The following TSHZ2 variants were observed in gnomAD, a reference collection of about 807,000 sequenced individuals.
The protein encoded by TSHZ2 is teashirt homolog 2.
Under a neutral mutation model 74.4 loss-of-function variants are expected in TSHZ2, and 21 were observed. The observed-to-expected ratio is 0.28, with a 90% CI of 0.20 to 0.41. The LOEUF (loss-of-function observed/expected upper bound fraction) is 0.41. Ranked by LOEUF, TSHZ2 falls within the 10% of genes least tolerant of loss-of-function variation. The probability of loss-of-function intolerance (pLI) is 1.00; values close to 1 mark genes in which losing one functional copy is unlikely to be tolerated. For synonymous variants in TSHZ2, 540 were observed against 515.3 expected (o/e 1.05, Z -0.65); for missense variants, 1,244 against 1,293.5 (o/e 0.96, Z 0.59).
chr20:53,228,019 GTTTTTTTT>G (rs3971383), intron 1 of TSHZ2, among the ~76,000 whole-genome samples: 2 of 101,434 alleles, frequency 2.0e-5, no homozygotes, highest in Admixed American at 1.1e-4. Context: ...TTCAAATGGT[GTTTTTTTT>G]TTTTTTTTTT....
Position 53,253,521 on chromosome 20 carries a change from G to GAAAGAAGAGGAGGAAATA in TSHZ2, c.78_95dup (p.Ile27_Glu32dup), listed in dbSNP as rs748550812. 15 of 1,611,328 alleles carry GAAAGAAGAGGAGGAAATA rather than the reference G, an allele frequency of 9.3e-6. No individual in the cohort carries two copies. In the Middle Eastern group the frequency reaches 5.0e-4, roughly 53 times the overall value. ...CAGGCTACGCCCAGGAGGAACAGCTGAAAGAAGAGGAGGAAATAAAAGAAG... is the reference window on the plus strand; with the variant it reads ...CAGGCTACGCCCAGGAGGAACAGCTGAAAGAAGAGGAGGAAATAAAAGAAGAGGAGGAAATAAAAGAAG... On this transcript the variant is annotated inframe_insertion, in exon 2 of 3. Coordinates refer to ENST00000371497, the MANE Select transcript of TSHZ2 (RefSeq NM_173485.6).
In TSHZ2 at chr20:53,386,155, G is replaced by T. The variant is rs750306774; in HGVS notation, c.*9-100989G>T. 2.6e-5 allele frequency among the ~76,000 whole-genome samples: 4 copies of T among 152,314 alleles called. No individual in the cohort carries two copies. In the East Asian group the frequency reaches 7.7e-4, roughly 29 times the overall value. ...TGAGAGCCTCAGCTGCAATGGCAAG[G>T]CTCTGTATTTATATAACAAGCCCTG... On this transcript the variant is annotated intron_variant, in intron 2 of 2. Transcript: ENST00000371497.
intron 2 of TSHZ2, among the ~76,000 whole-genome samples, chr20:53,331,863 A>C (rs7266390): frequency 0.16 from 24,678 of 151,880 alleles, 4,161 homozygotes; most frequent in African/African-American, 0.43. Context: ...TTGATGGGCC[A>C]AGGGGAATGG....
intron 1 of TSHZ2, among the ~76,000 whole-genome samples, chr20:53,117,335 CTAATT>C (rs1195982435): frequency 2.0e-5 from 3 of 152,174 alleles, no homozygotes; most frequent in African/African-American, 7.2e-5. Flanking sequence ...GTTAGCTAAA[CTAATT>C]TAAGTCATTC....
intron 2 of TSHZ2, among the ~76,000 whole-genome samples, chr20:53,386,140 A>G (rs1982037387): frequency 6.6e-6 from 1 of 152,220 alleles, no homozygotes; most frequent in Non-Finnish European, 1.5e-5. Context: ...TGAGAGCCTC[A>G]GCTGCAATGG....
intron 2 of TSHZ2, among the ~76,000 whole-genome samples, chr20:53,473,788 T>A (rs1022520752): frequency 3.9e-5 from 6 of 151,922 alleles, no homozygotes; most frequent in Non-Finnish European, 7.4e-5. Flanking sequence ...ATAACTAGAA[T>A]AACCAATACA....
intron 2 of TSHZ2, among the ~76,000 whole-genome samples, chr20:53,365,253 C>T (rs1175089516): frequency 6.6e-6 from 1 of 152,236 alleles, no homozygotes; most frequent in Non-Finnish European, 1.5e-5. Context: ...GGTGCTAAAA[C>T]ATGCTCCTAA....
chr20:53,357,635 G>T (rs772390716), intron 2 of TSHZ2, among the ~76,000 whole-genome samples: 2 of 152,062 alleles, frequency 1.3e-5, no homozygotes, highest in African/African-American at 4.8e-5. Flanking sequence ...AAACAATTAC[G>T]TACTCATGAA....
chr20:53,027,720 C>G (rs1983497911), intron 1 of TSHZ2, among the ~76,000 whole-genome samples: 1 of 152,018 alleles, frequency 6.6e-6, no homozygotes, highest in Non-Finnish European at 1.5e-5. Flanking sequence ...GATCGTGCCA[C>G]TACACTCCAG....
At chr20:53,477,883 T>C (rs2145849096) in intron 2 of TSHZ2, among the ~76,000 whole-genome samples, 1 of 151,418 alleles carries the variant, frequency 6.6e-6, no homozygotes, top group Non-Finnish European at 1.5e-5. Context: ...AAAGAAGACA[T>C]TTATGCAGCC....
chr20:53,080,015 T>C (rs1985483400), intron 1 of TSHZ2, among the ~76,000 whole-genome samples: 1 of 152,186 alleles, frequency 6.6e-6, no homozygotes, highest in South Asian at 2.1e-4. Context: ...ACTGGAAATC[T>C]GACTGAATTT....
intron 1 of TSHZ2, among the ~76,000 whole-genome samples, chr20:53,014,210 AG>A (rs1982953543): frequency 6.6e-6 from 1 of 151,966 alleles, no homozygotes; most frequent in African/African-American, 2.4e-5. Flanking sequence ...AGAGAGAGAG[AG>A]AGAGAGAGAG....
At position 53,042,225 on chromosome 20, in the gene TSHZ2, G is replaced by A. The variant is rs537425956; in HGVS notation, c.40+68892G>A. ...ACATTAATTACAATCTCCTTGGTGA[G>A]GGAAAATATTTTTCCTTCTATCATG... On this transcript the variant is annotated intron_variant, in intron 1 of 2. Coordinates refer to ENST00000371497, the MANE Select transcript of TSHZ2 (RefSeq NM_173485.6). Among the ~76,000 whole-genome samples, 6 of 152,246 alleles carry A rather than the reference G, an allele frequency of 3.9e-5. No individual in the cohort carries two copies. The East Asian group carries it at 1.2e-3, about 29-fold the overall frequency.
At chr20:53,262,983 A>C (rs1328073546) in intron 2 of TSHZ2, among the ~76,000 whole-genome samples, 1 of 152,190 alleles carries the variant, frequency 6.6e-6, no homozygotes, top group East Asian at 1.9e-4. Flanking sequence ...TATATGGAAA[A>C]GCCAGGAGTA....
intron 1 of TSHZ2, among the ~76,000 whole-genome samples, chr20:53,238,836 T>TAAAAAAAAA (rs746136673): frequency 1.5e-5 from 1 of 66,022 alleles, no homozygotes; most frequent in African/African-American, 6.1e-5. Flanking sequence ...ATCTTATATC[T>TAAAAAAAAA]AAAAAAAAAA....
chr20:52,979,637 A>G (rs1341860767), intron 1 of TSHZ2, among the ~76,000 whole-genome samples: 2 of 152,216 alleles, frequency 1.3e-5, no homozygotes, highest in Non-Finnish European at 1.5e-5. Flanking sequence ...TTTGAAAGTC[A>G]TTAAAATGGC....
At chr20:53,217,095 G>T (rs1989454703) in intron 1 of TSHZ2, among the ~76,000 whole-genome samples, 1 of 152,206 alleles carries the variant, frequency 6.6e-6, no homozygotes, top group Non-Finnish European at 1.5e-5. Context: ...AAGTCACATT[G>T]CTGGTGATGT....
intron 2 of TSHZ2, among the ~76,000 whole-genome samples, chr20:53,278,198 A>G (rs1409040949): frequency 6.6e-6 from 1 of 152,182 alleles, no homozygotes; most frequent in East Asian, 1.9e-4. Context: ...CTGAAAGCCT[A>G]TCTAAATCAG....
intron 1 of TSHZ2, among the ~76,000 whole-genome samples, chr20:53,189,670 T>G (rs1375736055): frequency 1.3e-5 from 2 of 152,192 alleles, no homozygotes; most frequent in African/African-American, 4.8e-5. Context: ...GCTGTCTCTC[T>G]TCTTCAGCTC....
Sources: allele counts gnomAD v4.1 joint callset (sites outside exome capture counted in the v4.1 genomes callset), GRCh38; gene constraint gnomAD v4.1.1; transcripts MANE v1.5; gene names NCBI Gene and HGNC (gene_info 2026-07-23, HGNC 2026-07-21).